Variants in RBFOX1 observed in about 807,000 individuals in gnomAD.
RBFOX1 encodes the protein RNA binding protein fox-1 homolog 1.
A neutral mutation model predicts 57.7 loss-of-function variants in RBFOX1; 8 were observed. That is an observed-to-expected ratio of 0.14 (90% CI 0.08 to 0.25). The LOEUF is 0.25. RBFOX1 is among the 10% of genes least tolerant of loss of function. RBFOX1 has a pLI of 1.00. For missense variants in RBFOX1, 611 were observed against 548.5 expected (o/e 1.11, Z -1.14); for synonymous variants, 326 against 222.4 (o/e 1.47, Z -4.15).
At chr16:5,745,620 T>C (rs1844606026) in intron 3 of RBFOX1, among the ~76,000 whole-genome samples, 1 of 152,236 alleles carries the variant, frequency 6.6e-6, no homozygotes, top group Non-Finnish European at 1.5e-5. Context: ...TCCTGACTTT[T>C]TAATGATCGC....
At chr16:6,198,675 G>C (rs944675786) in intron 1 of RBFOX1, among the ~76,000 whole-genome samples, 1 of 152,178 alleles carries the variant, frequency 6.6e-6, no homozygotes, top group Non-Finnish European at 1.5e-5. Context: ...ACATTTAAAA[G>C]TTGGTGGTGA....
At chr16:6,868,482 AT>A (rs35126716) in intron 3 of RBFOX1, among the ~76,000 whole-genome samples, 6 of 151,422 alleles carry the variant, frequency 4.0e-5, no homozygotes, top group African/African-American at 1.2e-4. Context: ...TTGGTTTATG[AT>A]TTTTTTTTGA....
chr16:6,084,492 C>T (rs2096057622), intron 1 of RBFOX1, among the ~76,000 whole-genome samples: 1 of 152,162 alleles, frequency 6.6e-6, no homozygotes, highest in South Asian at 2.1e-4. Flanking sequence ...AATTCCTCAG[C>T]CTCTGCCTCC....
chr16:6,654,685 C>G (rs1179500380), intron 3 of RBFOX1, 35 bp downstream of exon 3: 3 of 1,467,180 alleles, frequency 2.0e-6, no homozygotes, highest in South Asian at 2.6e-5. Context: ...GGGTTGCAAA[C>G]AAAACAAGAA....
Position 5,677,466 on chromosome 16 carries a change from G to C in RBFOX1, c.318+78505G>C, listed in dbSNP as rs184030208. Among the ~76,000 whole-genome samples, 7 of 152,312 alleles carry C rather than the reference G, an allele frequency of 4.6e-5. No individual in the cohort carries two copies. In the East Asian group the frequency reaches 1.3e-3, roughly 29 times the overall value. The stretch of plus-strand genomic sequence containing the variant: ...TGGGCATGTAGGTAAATGTGCTTAC[G>C]AGTGATTAGGAGTGAAGGATAGACT... On this transcript the variant is annotated intron_variant, in intron 3 of 19. Transcript: ENST00000641259.
chr16:5,728,550 G>T (rs1055385070), intron 3 of RBFOX1, among the ~76,000 whole-genome samples: 3 of 152,170 alleles, frequency 2.0e-5, no homozygotes, highest in Admixed American at 1.3e-4. Flanking sequence ...AGGTCCCTGT[G>T]TTAAGAAGTA....
intron 3 of RBFOX1, among the ~76,000 whole-genome samples, chr16:7,016,817 G>C (rs2093939552): frequency 6.6e-6 from 1 of 152,178 alleles, no homozygotes; most frequent in Admixed American, 6.5e-5. Context: ...GCCAGGTGAG[G>C]TTATTGTGAT....
intron 3 of RBFOX1, among the ~76,000 whole-genome samples, chr16:6,759,414 G>A (rs2076274448): frequency 6.6e-6 from 1 of 151,742 alleles, no homozygotes; most frequent in Non-Finnish European, 1.5e-5. Flanking sequence ...GCCTCCCATA[G>A]TGCTGGGACC....
upstream of RBFOX1, among the ~76,000 whole-genome samples, chr16:6,016,999 C>T (rs577810719): frequency 6.6e-6 from 1 of 152,330 alleles, no homozygotes; most frequent in Non-Finnish European, 1.5e-5. Flanking sequence ...ATGCCTGACA[C>T]TCATCACTAA....
At chr16:6,598,932 C>T (rs1014406195) in intron 2 of RBFOX1, among the ~76,000 whole-genome samples, 1 of 148,398 alleles carries the variant, frequency 6.7e-6, no homozygotes, top group African/African-American at 2.4e-5. Context: ...TGTAACAGAG[C>T]AAGACTCCAT....
At chr16:5,490,528 G>T (rs1039812893) in intron 2 of RBFOX1, among the ~76,000 whole-genome samples, 13 of 152,204 alleles carry the variant, frequency 8.5e-5, no homozygotes, top group Non-Finnish European at 1.5e-5. Flanking sequence ...ATTACTTTGG[G>T]ATAGCTGAGA....
At chr16:6,175,874 T>C (rs1407180166) in intron 1 of RBFOX1, among the ~76,000 whole-genome samples, 1 of 152,126 alleles carries the variant, frequency 6.6e-6, no homozygotes, top group African/African-American at 2.4e-5. Context: ...GAGGAGAGCC[T>C]GAGGCAGAGG....
chr16:6,859,175 G>GTATATATATACGTA (rs1383838091), intron 3 of RBFOX1, among the ~76,000 whole-genome samples: 1 of 66,550 alleles, frequency 1.5e-5, no homozygotes, highest in African/African-American at 7.9e-5. Flanking sequence ...GTATATATAT[G>GTATATATATACGTA]TATATATATG....
chr16:5,498,104 T>G (rs1475771658), intron 2 of RBFOX1, among the ~76,000 whole-genome samples: 2 of 152,142 alleles, frequency 1.3e-5, no homozygotes, highest in Non-Finnish European at 2.9e-5. Flanking sequence ...TGGAGGTCAC[T>G]GAAGGTCTTA....
chr16:7,163,708 G>C (rs894180693), intron 4 of RBFOX1, among the ~76,000 whole-genome samples: 1 of 151,972 alleles, frequency 6.6e-6, no homozygotes. Flanking sequence ...CCATGCTGGA[G>C]TGCAGTGGTG....
At chr16:7,074,750 A>G (rs1387671465) in intron 4 of RBFOX1, among the ~76,000 whole-genome samples, 1 of 152,230 alleles carries the variant, frequency 6.6e-6, no homozygotes, top group African/African-American at 2.4e-5. Context: ...TATAAGCATA[A>G]GAAAAAATTA....
chr16:6,099,605 G>A (rs1403131040), intron 1 of RBFOX1, among the ~76,000 whole-genome samples: 2 of 152,146 alleles, frequency 1.3e-5, no homozygotes, highest in African/African-American at 4.8e-5. Flanking sequence ...GAACTTGATA[G>A]AGGTAGTGGC....
intron 3 of RBFOX1, among the ~76,000 whole-genome samples, chr16:5,766,166 C>T (rs2053770484): frequency 6.6e-6 from 1 of 152,132 alleles, no homozygotes; most frequent in African/African-American, 2.4e-5. Flanking sequence ...TATTCCAGGA[C>T]TATTAGGAAC....
intron 4 of RBFOX1, among the ~76,000 whole-genome samples, chr16:7,254,072 T>G (rs1410431918): frequency 1.3e-5 from 2 of 152,176 alleles, no homozygotes; most frequent in South Asian, 4.1e-4. Flanking sequence ...GGGCATTGTG[T>G]TGTTGTGCTA....
Sources: gnomAD v4.1 joint callset for allele counts (sites outside exome capture counted in the v4.1 genomes callset) on GRCh38, gnomAD v4.1.1 for gene constraint, MANE v1.5 for transcripts, NCBI Gene and HGNC (gene_info 2026-07-23, HGNC 2026-07-21) for gene names.